AKAP14: variants seen among roughly 807,000 people sequenced by gnomAD.
The protein encoded by AKAP14 is A-kinase anchor protein 14.
In AKAP14, 4 loss-of-function variants were observed where a neutral mutation model predicts 17.0. That is an observed-to-expected ratio of 0.23 (90% CI 0.12 to 0.54). The LOEUF (loss-of-function observed/expected upper bound fraction) is 0.54. AKAP14 is among the 20% of genes least tolerant of loss of function. The pLI, the probability that AKAP14 is intolerant of heterozygous loss-of-function variation, is 0.95. For synonymous variants in AKAP14, 42 were observed against 51.3 expected (o/e 0.82, Z 0.77); for missense variants, 129 against 150.9 (o/e 0.85, Z 0.76).
At chrX:119,909,594 C>T (rs1397546416) in intron 4 of AKAP14, among the ~76,000 whole-genome samples, 1 of 108,631 alleles carries the variant, frequency 9.2e-6, no homozygotes, top group Non-Finnish European at 1.9e-5. Context: ...TGTTGGGCCC[C>T]TTCATTAAAA....
chrX:119,896,812 T>C (rs1367663434), intron 2 of AKAP14, among the ~76,000 whole-genome samples: 4 of 81,618 alleles, frequency 4.9e-5, no homozygotes, highest in African/African-American at 1.9e-4. Flanking sequence ...TTTCTTTTTT[T>C]CTTTTTTTTT....
At chrX:119,914,619 A>T in intron 4 of AKAP14, 80 bp from the exon 5 acceptor site, 1 of 1,002,711 alleles carries the variant, frequency 1.0e-6, no homozygotes, top group East Asian at 3.1e-5. Context: ...CACTGCACCC[A>T]GCCATGCTGC....
chrX:119,919,010 T>C (rs1000172187), intron 5 of AKAP14, among the ~76,000 whole-genome samples: 1 of 111,504 alleles, frequency 9.0e-6, no homozygotes, highest in African/African-American at 3.3e-5. Context: ...TGCGGAGATC[T>C]TACTTCTGGT....
chrX:119,898,094 C>T (rs2056541495), intron 2 of AKAP14, among the ~76,000 whole-genome samples: 3 of 112,057 alleles, frequency 2.7e-5, no homozygotes, highest in African/African-American at 9.7e-5. Flanking sequence ...ACCCAGGAGG[C>T]GGACGTTGCA....
intron 4 of AKAP14, among the ~76,000 whole-genome samples, chrX:119,912,210 C>T (rs762984168): frequency 2.7e-5 from 3 of 111,833 alleles, no homozygotes; most frequent in African/African-American, 9.7e-5. Context: ...GGATTACAGG[C>T]GTGAGCCACT....
intron 4 of AKAP14, among the ~76,000 whole-genome samples, chrX:119,906,196 G>GC (rs1046068459): frequency 3.9e-5 from 4 of 101,723 alleles, no homozygotes; most frequent in African/African-American, 1.5e-4. Context: ...CCTGTTCCCA[G>GC]CCCCACTAAT....
chrX:119,902,064 C>CT (rs566464151), intron 2 of AKAP14, among the ~76,000 whole-genome samples: 42,609 of 96,234 alleles, frequency 0.44, 8,229 homozygotes, highest in African/African-American at 0.62. Flanking sequence ...TGTCTTTATA[C>CT]TTTTTTTTTT....
Position 119,903,309 on chromosome X carries a change from A to C in AKAP14, c.86A>C (p.Asp29Ala). The stretch of plus-strand genomic sequence containing the variant: ...AGCCAAACAATGCCGAATACACAAG[A>C]CAAGAACTACGAGGATGAATTGACT... ...AASQTMPNTQ[D>A]KNYEDELTQV... Residue 29 changes from aspartate (D) to alanine (A), a missense_variant, in exon 3 of 7, where the codon GAC (aspartate) becomes GCC (alanine). By Grantham distance (126) the Asp-to-Ala change is moderately radical. Coordinates refer to ENST00000371431, the MANE Select transcript of AKAP14 (RefSeq NM_178813.6). The C allele has an allele frequency of 8.3e-7, 1 of 1,212,086 alleles. No individual in the cohort carries two copies.
intron 5 of AKAP14, among the ~76,000 whole-genome samples, 159 bp downstream of exon 5, chrX:119,915,037 C>G (rs1202970235): frequency 8.9e-6 from 1 of 112,141 alleles, no homozygotes; most frequent in Non-Finnish European, 1.9e-5. Context: ...TGATCACTCC[C>G]CGCTCCATGA....
At position 119,903,530 on chromosome X, in the gene AKAP14, A is replaced by G; in HGVS notation, c.205A>G (p.Thr69Ala). The change falls in exon 4 of 7, where the codon ACT becomes GCT. Residue 69 changes from threonine (T) to alanine (A), a missense_variant. Coordinates refer to ENST00000371431, the MANE Select transcript of AKAP14 (RefSeq NM_178813.6). Reference protein sequence around the residue: ...RNPLKNIKWMTHGEFTVEKGL... With the variant: ...RNPLKNIKWMAHGEFTVEKGL... ...CCCTTTGAAAAACATCAAGTGGATG[A>G]CTCACGGTGAATTCACTGTGGAAAA... is the stretch of plus-strand genomic sequence containing the variant. 3 of 1,211,876 alleles carry G rather than the reference A, an allele frequency of 2.5e-6. No homozygotes were observed. The highest frequency in any genetic ancestry group is 4.6e-4 in the Middle Eastern group (2 of 4,354).
At chrX:119,911,712 T>G (rs752726443) in intron 4 of AKAP14, among the ~76,000 whole-genome samples, 3 of 110,398 alleles carry the variant, frequency 2.7e-5, no homozygotes, top group South Asian at 3.8e-4. Context: ...GAAACTTGTT[T>G]TTTTTTTTTT....
intron 2 of AKAP14, among the ~76,000 whole-genome samples, chrX:119,902,064 C>CTTT (rs566464151): frequency 3.5e-4 from 34 of 96,356 alleles, no homozygotes; most frequent in East Asian, 2.4e-3. Flanking sequence ...TGTCTTTATA[C>CTTT]TTTTTTTTTT....
At chrX:119,919,868 G>C (rs1483474377) in intron 5 of AKAP14, 43 bp from the exon 6 acceptor site, 1 of 1,178,602 alleles carries the variant, frequency 8.5e-7, no homozygotes, top group African/African-American at 1.8e-5. Context: ...AAAAAGAGTT[G>C]GTATGACTGG....
At position 119,920,604 on chromosome X, in the gene AKAP14, C is replaced by G. The variant is rs150641190; in HGVS notation, c.591C>G (p.Val197=). The change falls in exon 7 of 7, where the codon GTC becomes GTG. Residue 197 remains valine (V), a synonymous_variant. Transcript: ENST00000371431. The stretch of plus-strand genomic sequence containing the variant: ...CATTCCCCTTCTTATTCAATCGTGT[C>G]TGATACTTACAGGATGTCTTAGGAT... The part of the protein sequence containing the change: ...MESFPFLFNR[V] The G allele has an allele frequency of 5.2e-5, 62 of 1,183,672 alleles. No individual in the cohort carries two copies. The African/African-American group carries it at 1.0e-3, about 20-fold the overall frequency.
chrX:119,897,031 A>T (rs1268415253), intron 2 of AKAP14, among the ~76,000 whole-genome samples: 1 of 110,081 alleles, frequency 9.1e-6, no homozygotes, highest in Non-Finnish European at 1.9e-5. Context: ...GCTGGTTTCG[A>T]ACTCCTGACC....
chrX:119,917,781 A>AAAAG (rs895999242), intron 5 of AKAP14, among the ~76,000 whole-genome samples: 40 of 111,584 alleles, frequency 3.6e-4, no homozygotes, highest in African/African-American at 1.0e-3. Flanking sequence ...TCCATCTCAA[A>AAAAG]AAAGAAAGAA....
intron 2 of AKAP14, among the ~76,000 whole-genome samples, chrX:119,897,429 G>A (rs1430818811): frequency 9.0e-6 from 1 of 111,397 alleles, no homozygotes; most frequent in Non-Finnish European, 1.9e-5. Context: ...AAAGTGCTGG[G>A]ATTATAGGTG....
chrX:119,904,552 G>A (rs2056586673), intron 4 of AKAP14, among the ~76,000 whole-genome samples: 1 of 111,567 alleles, frequency 9.0e-6, no homozygotes, highest in African/African-American at 3.2e-5. Flanking sequence ...AAGAGTTTGA[G>A]ACAGCCTGGG....
intron 2 of AKAP14, among the ~76,000 whole-genome samples, chrX:119,897,712 C>T (rs1348083333): frequency 1.8e-5 from 2 of 111,852 alleles, no homozygotes; most frequent in East Asian, 2.8e-4. Context: ...CCTGGAAATG[C>T]TCTGTGTGCT....
Sources: allele counts gnomAD v4.1 joint callset (sites outside exome capture counted in the v4.1 genomes callset), GRCh38; gene constraint gnomAD v4.1.1; transcripts MANE v1.5; gene names NCBI Gene and HGNC (gene_info 2026-07-23, HGNC 2026-07-21).